The following DYNC2H1 variants were observed in gnomAD, a reference collection of about 807,000 sequenced individuals.
DYNC2H1 encodes the protein cytoplasmic dynein 2 heavy chain 1.
In DYNC2H1, 410 loss-of-function variants were observed where a neutral mutation model predicts 570.0. The ratio of observed to expected loss-of-function variants is 0.72; its 90% CI spans 0.66 to 0.78. DYNC2H1 has a LOEUF of 0.78. DYNC2H1 is among the 30% of genes least tolerant of loss of function. The probability of loss-of-function intolerance (pLI) is 0.00; values close to 1 mark genes in which losing one functional copy is unlikely to be tolerated. For synonymous variants in DYNC2H1, 1,688 were observed against 1,677.6 expected (o/e 1.01, Z -0.15); for missense variants, 4,865 against 5,046.4 (o/e 0.96, Z 1.09).
intron 82 of DYNC2H1, among the ~76,000 whole-genome samples, chr11:103,350,354 C>A (rs1939987594): frequency 6.6e-6 from 1 of 151,748 alleles, no homozygotes; most frequent in African/African-American, 2.4e-5. Flanking sequence ...TCTGAGAAAA[C>A]TGATGATTTA....
At chr11:103,374,695 GAGC>G (rs1172096597) in intron 83 of DYNC2H1, among the ~76,000 whole-genome samples, 2 of 152,138 alleles carry the variant, frequency 1.3e-5, no homozygotes, top group Non-Finnish European at 2.9e-5. Context: ...CTTTAGTAGA[GAGC>G]TTTTTGACCC....
intron 70 of DYNC2H1, among the ~76,000 whole-genome samples, chr11:103,263,430 A>G (rs1865392277): frequency 6.6e-6 from 1 of 152,140 alleles, no homozygotes; most frequent in African/African-American, 2.4e-5. Context: ...ACCACATCAC[A>G]CTTATTCTAA....
At chr11:103,310,688 TTTTTTTTTTTG>T (rs1447198762) in intron 78 of DYNC2H1, among the ~76,000 whole-genome samples, 2 of 90,768 alleles carry the variant, frequency 2.2e-5, no homozygotes, top group Admixed American at 1.2e-4. Context: ...TTTTTTTTTT[TTTTTTTTTTTG>T]GGAGACTGAG....
At chr11:103,194,868 C>T (rs531970929) in intron 47 of DYNC2H1, among the ~76,000 whole-genome samples, 5 of 152,218 alleles carry the variant, frequency 3.3e-5, no homozygotes, top group Admixed American at 1.3e-4. Flanking sequence ...CAGGCGTGCA[C>T]CACCTCGCCC....
At chr11:103,266,053 C>T (rs1320499846) in intron 70 of DYNC2H1, among the ~76,000 whole-genome samples, 4 of 135,368 alleles carry the variant, frequency 3.0e-5, no homozygotes, top group African/African-American at 1.1e-4. Context: ...GGTTGGGAAT[C>T]CACATGTAGG....
rs183437821 is a variant in DYNC2H1 at position 103,386,889 on chromosome 11, C to T, written c.12157-12774C>T. ...TGTGTATGTGCCACATTTTCTTAAT[C>T]CAGTCTATCGTTGTTGGACATTTGG... On this transcript the variant is annotated intron_variant, in intron 83 of 88. Coordinates refer to ENST00000375735, the MANE Select transcript of DYNC2H1 (RefSeq NM_001377.3). Among the ~76,000 whole-genome samples the T allele has an allele frequency of 6.8e-3, 1,027 of 151,260 alleles. 10 individuals are homozygous for T. Among genetic ancestry groups the T allele is most frequent in the African/African-American group, 0.023 (970 of 41,286 alleles).
At chr11:103,418,839 A>T (rs954480538) in intron 84 of DYNC2H1, among the ~76,000 whole-genome samples, 2 of 152,146 alleles carry the variant, frequency 1.3e-5, no homozygotes, top group African/African-American at 4.8e-5. Context: ...ATAGATGAGG[A>T]TATCCCCTCA....
At position 103,174,158 on chromosome 11, in the gene DYNC2H1, A is replaced by G; in HGVS notation, c.5662A>G (p.Thr1888Ala). Residue 1888 changes from threonine to alanine, a missense_variant, in exon 36 of 89, where the codon ACT becomes GCT. Coordinates refer to ENST00000375735, the MANE Select transcript of DYNC2H1 (RefSeq NM_001377.3). Reference sequence around the variant, plus strand: ...CCTTAGACAGCTAAACAAAAGTGGCACTACACAGAATGGTATGATTGATTA... The same window carrying G: ...CCTTAGACAGCTAAACAAAAGTGGCGCTACACAGAATGGTATGATTGATTA... ...NLLRQLNKSG[T>A]TQNANESHIV... 1.3e-6 allele frequency: 2 copies of G among 1,573,888 alleles called. No homozygotes were observed. Among genetic ancestry groups the G allele is most frequent in the Non-Finnish European group, 8.6e-7 (1 of 1,157,600 alleles).
At chr11:103,184,581 G>T (rs991409472) in intron 40 of DYNC2H1, among the ~76,000 whole-genome samples, 2 of 151,846 alleles carry the variant, frequency 1.3e-5, no homozygotes, top group African/African-American at 4.8e-5. Flanking sequence ...AAATGAACAT[G>T]TATTCTTTTT....
At chr11:103,353,572 A>G (rs1940157016) in intron 82 of DYNC2H1, among the ~76,000 whole-genome samples, 1 of 152,174 alleles carries the variant, frequency 6.6e-6, no homozygotes, top group Non-Finnish European at 1.5e-5. Context: ...ATGACAAAGT[A>G]TCTATATATC....
chr11:103,250,015 C>A (rs1864769375), intron 65 of DYNC2H1, among the ~76,000 whole-genome samples: 1 of 152,052 alleles, frequency 6.6e-6, no homozygotes. Flanking sequence ...TGACATAATG[C>A]ACAATTTCCC....
chr11:103,428,738 T>C (rs1033756624), intron 84 of DYNC2H1, among the ~76,000 whole-genome samples: 6 of 152,272 alleles, frequency 3.9e-5, no homozygotes, highest in South Asian at 2.1e-4. Context: ...TAACAGTATT[T>C]GTCTTTGTGT....
chr11:103,335,766 G>A (rs1363146072), intron 82 of DYNC2H1, among the ~76,000 whole-genome samples: 1 of 152,060 alleles, frequency 6.6e-6, no homozygotes, highest in Non-Finnish European at 1.5e-5. Context: ...TTATGATGAT[G>A]ATAATGATTT....
chr11:103,138,600 C>T (rs537233096), intron 17 of DYNC2H1, among the ~76,000 whole-genome samples: 103 of 152,280 alleles, frequency 6.8e-4, no homozygotes, highest in Non-Finnish European at 2.8e-4. Flanking sequence ...TGATGTGCTC[C>T]TGGATTTGGT....
In DYNC2H1 at chr11:103,156,594, T is replaced by C. The variant is rs763839732; in HGVS notation, c.3951T>C (p.Tyr1317=). ...CLLQSLKDSP[Y]YKGFEDKVSI... ...TCCAATCCTTAAAGGATTCTCCTTA[T>C]TATAAAGGATTTGAAGATAAAGTAT... is the stretch of plus-strand genomic sequence containing the variant. Residue 1317 remains tyrosine (Y), a synonymous_variant, in exon 26 of 89, where the codon TAT becomes TAC. Transcript: ENST00000375735. 2.5e-6 allele frequency: 4 copies of C among 1,613,520 alleles called. No individual in the cohort carries two copies. In the South Asian group the frequency reaches 4.4e-5, roughly 18 times the overall value.
chr11:103,329,826 T>C (rs1459155644), intron 82 of DYNC2H1, among the ~76,000 whole-genome samples: 1 of 152,190 alleles, frequency 6.6e-6, no homozygotes, highest in Non-Finnish European at 1.5e-5. Context: ...CAACTATAAA[T>C]ATTGTTTGAG....
In DYNC2H1 at chr11:103,129,519, TA is replaced by T. The variant is rs1412877181; in HGVS notation, c.1953+519del. ...CAACATGGTGAAACCCCATCTCAAC[TA>T]AAAATACAAAAAAATTAGCCAGGCA... On this transcript the variant is annotated intron_variant, in intron 13 of 88. Coordinates refer to ENST00000375735, the MANE Select transcript of DYNC2H1 (RefSeq NM_001377.3). This position sits in a 1 kb window ranked among gnomAD's most constrained non-coding sequence, Gnocchi z 4.1. 6.6e-6 allele frequency among the ~76,000 whole-genome samples: 1 copy of T among 151,850 alleles called. No homozygotes were observed. Among genetic ancestry groups the T allele is most frequent in the Non-Finnish European group, 1.5e-5 (1 of 67,962 alleles).
intron 70 of DYNC2H1, among the ~76,000 whole-genome samples, chr11:103,272,924 T>G (rs941562693): frequency 3.9e-5 from 6 of 152,146 alleles, no homozygotes; most frequent in African/African-American, 1.2e-4. Context: ...CCCCTTGATA[T>G]TAAAATATTT....
chr11:103,330,365 A>G (rs1938714738), intron 82 of DYNC2H1, among the ~76,000 whole-genome samples: 1 of 151,880 alleles, frequency 6.6e-6, no homozygotes, highest in Admixed American at 6.6e-5. Context: ...CTTTAAAATT[A>G]AGCTAAATTA....
Sources: gnomAD v4.1 joint callset for allele counts (sites outside exome capture counted in the v4.1 genomes callset) on GRCh38, gnomAD v4.1.1 for gene constraint, Gnocchi (gnomAD v3.1) non-coding constraint, MANE v1.5 for transcripts, NCBI Gene and HGNC (gene_info 2026-07-23, HGNC 2026-07-21) for gene names.